The following CTNNA2 variants were observed in gnomAD, a reference collection of about 807,000 sequenced individuals.
CTNNA2 encodes catenin alpha-2.
A neutral mutation model predicts 101.0 loss-of-function variants in CTNNA2; 42 were observed. That is an observed-to-expected ratio of 0.42 (90% CI 0.32 to 0.54). CTNNA2 has a LOEUF of 0.54. Among genes scored for constraint, CTNNA2 ranks in the 20% least tolerant of loss-of-function variants. The probability of loss-of-function intolerance (pLI) is 0.14; values close to 1 mark genes in which losing one functional copy is unlikely to be tolerated. For synonymous variants in CTNNA2, 450 were observed against 456.4 expected (o/e 0.99, Z 0.18); for missense variants, 871 against 1,223.1 (o/e 0.71, Z 4.29).
At chr2:79,686,570 T>C (rs541515228) in intron 2 of CTNNA2, among the ~76,000 whole-genome samples, 1 of 152,120 alleles carries the variant, frequency 6.6e-6, no homozygotes, top group South Asian at 2.1e-4. Context: ...CATTCTACAG[T>C]GACATAAAAT....
chr2:79,295,517 T>A (rs1675957448), intron 2 of CTNNA2, among the ~76,000 whole-genome samples: 1 of 151,910 alleles, frequency 6.6e-6, no homozygotes, highest in Non-Finnish European at 1.5e-5. Context: ...TTTCTTTCTT[T>A]CTTTCTTTTT....
At chr2:80,531,235 C>T (rs2149595119) in intron 9 of CTNNA2, among the ~76,000 whole-genome samples, 1 of 152,292 alleles carries the variant, frequency 6.6e-6, no homozygotes, top group South Asian at 2.1e-4. Context: ...CACAGGTTCC[C>T]AGGACTTCTC....
At chr2:79,197,305 T>G (rs1372268833) in intron 1 of CTNNA2, among the ~76,000 whole-genome samples, 1 of 151,892 alleles carries the variant, frequency 6.6e-6, no homozygotes, top group African/African-American at 2.4e-5. Flanking sequence ...TGAACAAAAG[T>G]GGTAAGGGGA....
intron 7 of CTNNA2, among the ~76,000 whole-genome samples, chr2:80,076,524 C>T (rs937056393): frequency 6.6e-6 from 1 of 151,938 alleles, no homozygotes; most frequent in African/African-American, 2.4e-5. Context: ...CTCAAGCGAT[C>T]CTCCTGCCTT....
At position 80,574,408 on chromosome 2, in the gene CTNNA2, T is replaced by G. The variant is rs527713830; in HGVS notation, c.1893+94T>G. 5.3e-5 allele frequency: 73 copies of G among 1,368,018 alleles called. No homozygotes were observed. The African/African-American group carries it at 9.0e-4, about 17-fold the overall frequency. 84.7% of individuals were successfully genotyped at this position (1,368,018 alleles called of 1,614,324 possible). A position where few individuals can be genotyped will look rare whatever the true frequency, so the allele number is the denominator to read the frequency against. ...TATTTATTATTTATTTTGTAATTAC[T>G]GAGTTTAACTTGGTAAGCTGTTTGG... On this transcript the variant is annotated intron_variant, in intron 13 of 18. Transcript: ENST00000402739.
chr2:80,434,636 G>A (rs1681868125), intron 9 of CTNNA2, among the ~76,000 whole-genome samples: 2 of 151,852 alleles, frequency 1.3e-5, no homozygotes, highest in African/African-American at 4.8e-5. Context: ...TGGCTAATTT[G>A]TTGTGTTTTT....
chr2:80,544,054 C>A (rs549562874), intron 9 of CTNNA2, among the ~76,000 whole-genome samples: 319 of 152,198 alleles, frequency 2.1e-3, no homozygotes, highest in Non-Finnish European at 3.4e-3. Flanking sequence ...CCTTGAATTA[C>A]CAACTCTCCT....
chr2:80,632,493 C>T (rs764202299), intron 18 of CTNNA2, among the ~76,000 whole-genome samples: 6 of 152,076 alleles, frequency 3.9e-5, no homozygotes, highest in Non-Finnish European at 4.4e-5. Flanking sequence ...ATTTGAGGGC[C>T]CCAAGCATGT....
intron 6 of CTNNA2, among the ~76,000 whole-genome samples, chr2:79,880,177 C>T (rs1405237811): frequency 6.6e-6 from 1 of 152,090 alleles, no homozygotes; most frequent in Non-Finnish European, 1.5e-5. Context: ...CTGACTTGGT[C>T]ATGGAGGGTA....
chr2:79,777,791 T>C (rs1674094111), intron 3 of CTNNA2, among the ~76,000 whole-genome samples: 1 of 152,170 alleles, frequency 6.6e-6, no homozygotes, highest in Admixed American at 6.5e-5. Flanking sequence ...TTTCTCCAAA[T>C]GAGCTAGTGG....
chr2:80,418,209 T>G (rs1271451821), intron 8 of CTNNA2, among the ~76,000 whole-genome samples: 1 of 152,224 alleles, frequency 6.6e-6, no homozygotes, highest in Non-Finnish European at 1.5e-5. Flanking sequence ...AACTTATGAC[T>G]GCAGACAAAT....
At chr2:80,074,835 T>C (rs924524884) in intron 7 of CTNNA2, among the ~76,000 whole-genome samples, 7 of 152,204 alleles carry the variant, frequency 4.6e-5, no homozygotes, top group Non-Finnish European at 7.3e-5. Flanking sequence ...TAGATTAGGT[T>C]ACTAAGCCTT....
intron 7 of CTNNA2, among the ~76,000 whole-genome samples, chr2:79,997,825 G>T (rs184170840): frequency 1.3e-5 from 2 of 152,104 alleles, no homozygotes; most frequent in Admixed American, 6.6e-5. Context: ...GAATTAAGGC[G>T]AACCTTAATC....
intron 7 of CTNNA2, among the ~76,000 whole-genome samples, chr2:80,374,803 C>T (rs1382305325): frequency 2.0e-5 from 3 of 151,850 alleles, no homozygotes; most frequent in Non-Finnish European, 4.4e-5. Context: ...TTAATTACCT[C>T]TTTAAAGGTC....
chr2:80,522,037 C>G (rs1486582428), intron 9 of CTNNA2, among the ~76,000 whole-genome samples: 1 of 152,164 alleles, frequency 6.6e-6, no homozygotes, highest in East Asian at 1.9e-4. Context: ...AGTTACATAT[C>G]TAAATCAGGT....
At chr2:79,928,642 T>C (rs866184758) in intron 7 of CTNNA2, among the ~76,000 whole-genome samples, 13 of 152,170 alleles carry the variant, frequency 8.5e-5, no homozygotes, top group Non-Finnish European at 1.8e-4. Flanking sequence ...GTCTGCCCAA[T>C]TTCCAATCAG....
At chr2:79,440,816 C>T (rs1042802032) in intron 4 of CTNNA2, among the ~76,000 whole-genome samples, 1 of 152,080 alleles carries the variant, frequency 6.6e-6, no homozygotes, top group African/African-American at 2.4e-5. Context: ...ACTGACAGCC[C>T]CAGGAATCAG....
chr2:79,622,061 A>G (rs1679030799), intron 1 of CTNNA2, among the ~76,000 whole-genome samples: 2 of 152,234 alleles, frequency 1.3e-5, no homozygotes, highest in South Asian at 4.1e-4. Flanking sequence ...CTAAAAAAGG[A>G]CATTAGACAA....
chr2:80,152,539 A>AT (rs920504600), intron 7 of CTNNA2, among the ~76,000 whole-genome samples: 43 of 152,008 alleles, frequency 2.8e-4, no homozygotes, highest in Middle Eastern at 3.4e-3. Flanking sequence ...CATTCAGAAC[A>AT]TTTTTTTTAT....
Sources: allele counts gnomAD v4.1 joint callset (sites outside exome capture counted in the v4.1 genomes callset), GRCh38; gene constraint gnomAD v4.1.1; transcripts MANE v1.5; gene names NCBI Gene and HGNC (gene_info 2026-07-23, HGNC 2026-07-21).